The following ATXN10 variants were observed in gnomAD, a reference collection of about 807,000 sequenced individuals.
ATXN10 encodes the protein ataxin-10.
In ATXN10, 28 loss-of-function variants were observed where a neutral mutation model predicts 52.9. The ratio of observed to expected loss-of-function variants is 0.53; its 90% confidence interval spans 0.39 to 0.73. The LOEUF is 0.73. ATXN10 is among the 30% of genes least tolerant of loss of function. The probability of loss-of-function intolerance (pLI) is 0.00; values close to 1 mark genes in which losing one functional copy is unlikely to be tolerated. For synonymous variants in ATXN10, 226 were observed against 221.5 expected (o/e 1.02, Z -0.18); for missense variants, 565 against 577.0 (o/e 0.98, Z 0.21).
Position 45,708,589 on chromosome 22 carries a change from C to T in ATXN10, c.647+5742C>T, listed in dbSNP as rs1000570493. 6.6e-5 allele frequency among the ~76,000 whole-genome samples: 10 copies of T among 152,122 alleles called. No individual in the cohort carries two copies. Among genetic ancestry groups the T allele is most frequent in the African/African-American group, 2.2e-4 (9 of 41,424 alleles). On this transcript the variant is annotated intron_variant, in intron 5 of 11. Transcript: ENST00000252934. This position sits in a 1 kb window ranked among gnomAD's most constrained non-coding sequence, Gnocchi z 5.3. The stretch of plus-strand genomic sequence containing the variant: ...AATTACCGATTTTCAGAGAGGAGGT[C>T]TGCATTTCAAAGGTGAGGCATGAAC...
intron 5 of ATXN10, among the ~76,000 whole-genome samples, chr22:45,714,289 G>A (rs932641888): frequency 6.6e-5 from 10 of 151,978 alleles, no homozygotes; most frequent in African/African-American, 2.4e-4. Flanking sequence ...CTTTATCAGT[G>A]TATAGGAGTA....
In ATXN10 at chr22:45,789,558, C is replaced by T. The variant is rs1927435674; in HGVS notation, c.1174-17401C>T. Among the ~76,000 whole-genome samples, 1 of 152,114 alleles carries T rather than the reference C, an allele frequency of 6.6e-6. No homozygotes were observed. Among genetic ancestry groups the T allele is most frequent in the South Asian group, 2.1e-4 (1 of 4,818 alleles). On this transcript the variant is annotated intron_variant, in intron 9 of 11. Transcript: ENST00000252934. This position sits in a 1 kb window ranked among gnomAD's most constrained non-coding sequence, Gnocchi z 4.0. ...CAAAGAGGGATTCAATTGTCACCGCCCTGGGAAGGCGCCAGTGAAGGGCCT... is the reference window on the plus strand; with the variant it reads ...CAAAGAGGGATTCAATTGTCACCGCTCTGGGAAGGCGCCAGTGAAGGGCCT...
intron 9 of ATXN10, among the ~76,000 whole-genome samples, chr22:45,752,942 C>A (rs2146819140): frequency 6.6e-6 from 1 of 152,166 alleles, no homozygotes; most frequent in Admixed American, 6.5e-5. Flanking sequence ...CCATGTTGGT[C>A]AGGGTGGTCT....
intron 1 of ATXN10, 120 bp from the exon 2 acceptor site, chr22:45,689,585 TAAGGAGC>T: frequency 1.6e-6 from 1 of 622,566 alleles, no homozygotes; most frequent in Admixed American, 2.7e-5. Context: ...TGTTGTAAAT[TAAGGAGC>T]TAAAGCAGAT....
chr22:45,704,530 CT>C (rs1923965283), intron 5 of ATXN10, among the ~76,000 whole-genome samples: 2 of 151,940 alleles, frequency 1.3e-5, no homozygotes, highest in Admixed American at 1.3e-4. Flanking sequence ...GTATTTTATT[CT>C]TTTTGATGGT....
rs1049778625 is a variant in ATXN10 at position 45,805,143 on chromosome 22, C to G, written c.1174-1816C>G. On this transcript the variant is annotated intron_variant, in intron 9 of 11. Coordinates refer to ENST00000252934, the MANE Select transcript of ATXN10 (RefSeq NM_013236.4). The surrounding 1 kb of genome is among the most constrained non-coding windows in gnomAD (Gnocchi z 4.4). The stretch of plus-strand genomic sequence containing the variant: ...ATCATTAGTCATCAGAAATGCGCAT[C>G]AAAACCACAATGGCATACCACTTCA... Among the ~76,000 whole-genome samples, 2 of 152,144 alleles carry G rather than the reference C, an allele frequency of 1.3e-5. No individual in the cohort carries two copies. The highest frequency in any genetic ancestry group is 2.9e-5 in the Non-Finnish European group (2 of 68,036).
At chr22:45,699,106 G>A (rs149553531) in intron 3 of ATXN10, among the ~76,000 whole-genome samples, 152 of 152,270 alleles carry the variant, frequency 1.0e-3, no homozygotes, top group African/African-American at 3.5e-3. Context: ...ACAAGCATGA[G>A]TTATTTTAAT....
At chr22:45,809,321 T>A (rs1369364747) in intron 10 of ATXN10, among the ~76,000 whole-genome samples, 1 of 152,208 alleles carries the variant, frequency 6.6e-6, no homozygotes, top group Admixed American at 6.5e-5. Flanking sequence ...CCCCCTTTCT[T>A]GTGCATTTTT....
Position 45,818,415 on chromosome 22 carries a change from G to A in ATXN10, c.1237+11393G>A, listed in dbSNP as rs2031092800. On this transcript the variant is annotated intron_variant, in intron 10 of 11. Coordinates refer to ENST00000252934, the MANE Select transcript of ATXN10 (RefSeq NM_013236.4). The surrounding 1 kb of genome is among the most constrained non-coding windows in gnomAD (Gnocchi z 4.6). Reference sequence around the variant, plus strand: ...GCTCAGCTCTCCCTGGCTCTCAGGAGTCAAAGCGCATCTGGTTCTGCTTGT... The same window carrying A: ...GCTCAGCTCTCCCTGGCTCTCAGGAATCAAAGCGCATCTGGTTCTGCTTGT... 1.3e-5 allele frequency among the ~76,000 whole-genome samples: 2 copies of A among 152,204 alleles called. No homozygotes were observed. Among genetic ancestry groups the A allele is most frequent in the Admixed American group, 1.3e-4 (2 of 15,284 alleles).
chr22:45,755,548 AAT>A (rs1233090107), intron 9 of ATXN10, among the ~76,000 whole-genome samples: 1 of 152,002 alleles, frequency 6.6e-6, no homozygotes, highest in Non-Finnish European at 1.5e-5. Flanking sequence ...TACTGTCATC[AAT>A]ATCTTGTTGG....
intron 1 of ATXN10, 67 bp downstream of exon 1, chr22:45,672,246 G>GGCCTGGACCCAGGCGCCGCCCCC (rs1922483124): frequency 7.6e-7 from 1 of 1,313,886 alleles, no homozygotes; most frequent in African/African-American, 1.6e-5. Flanking sequence ...CGGCGGCCCC[G>GGCCTGGACCCAGGCGCCGCCCCC]GCCTGGACCC....
rs968813591 is a variant in ATXN10, at chr22:45,759,727, G to C, written c.1173+19189G>C. Among the ~76,000 whole-genome samples, 1 of 152,002 alleles carries C rather than the reference G, an allele frequency of 6.6e-6. No individual in the cohort carries two copies. Among genetic ancestry groups the C allele is most frequent in the African/African-American group, 2.4e-5 (1 of 41,416 alleles). On this transcript the variant is annotated intron_variant, in intron 9 of 11. Transcript: ENST00000252934. This position sits in a 1 kb window ranked among gnomAD's most constrained non-coding sequence, Gnocchi z 5.4. Reference sequence around the variant, plus strand: ...TTCATAAAGCTCTAGTTTTGTAGGGGATGGGGTGGGATGGGGTCACACCTC... The same window carrying C: ...TTCATAAAGCTCTAGTTTTGTAGGGCATGGGGTGGGATGGGGTCACACCTC...
rs145557033 is a variant in ATXN10, at chr22:45,828,732, T to C, written c.1238-14259T>C. On this transcript the variant is annotated intron_variant, in intron 10 of 11. Coordinates refer to ENST00000252934, the MANE Select transcript of ATXN10 (RefSeq NM_013236.4). The surrounding 1 kb of genome is among the most constrained non-coding windows in gnomAD (Gnocchi z 4.5). ...ATAGTAAGTACTATAGTAAGTACTATAAGTTACTAGTTATAGTAAGACAAT... is the reference window on the plus strand; with the variant it reads ...ATAGTAAGTACTATAGTAAGTACTACAAGTTACTAGTTATAGTAAGACAAT... 3.1e-3 allele frequency among the ~76,000 whole-genome samples: 474 copies of C among 152,326 alleles called. 1 individual carries two copies. Among genetic ancestry groups the C allele is most frequent in the Non-Finnish European group, 5.2e-3 (353 of 68,026 alleles).
At chr22:45,749,883 AG>A (rs1417987489) in intron 9 of ATXN10, among the ~76,000 whole-genome samples, 1 of 152,046 alleles carries the variant, frequency 6.6e-6, no homozygotes, top group Non-Finnish European at 1.5e-5. Context: ...GGTTTCTTTA[AG>A]GTTCATGTTG....
At chr22:45,794,272 TA>T (rs1373543652) in intron 9 of ATXN10, among the ~76,000 whole-genome samples, 1 of 152,156 alleles carries the variant, frequency 6.6e-6, no homozygotes, top group Non-Finnish European at 1.5e-5. Context: ...CTGGGCACTT[TA>T]AAAAGGACAG....
intron 9 of ATXN10, among the ~76,000 whole-genome samples, chr22:45,764,738 A>G (rs1421118743): frequency 6.6e-6 from 1 of 152,220 alleles, no homozygotes; most frequent in Admixed American, 6.5e-5. Flanking sequence ...AACATTCGTA[A>G]ACCACGTGTA....
intron 5 of ATXN10, among the ~76,000 whole-genome samples, chr22:45,703,148 T>C (rs1373927410): frequency 1.3e-5 from 2 of 152,152 alleles, no homozygotes; most frequent in Non-Finnish European, 2.9e-5. Context: ...ACCTTTGGAG[T>C]GCACAGATAA....
At chr22:45,822,814 G>A (rs1928695900) in intron 10 of ATXN10, among the ~76,000 whole-genome samples, 1 of 152,076 alleles carries the variant, frequency 6.6e-6, no homozygotes, top group South Asian at 2.1e-4. Flanking sequence ...GAGCCACGGT[G>A]CCCAGCTGAA....
At chr22:45,697,724 G>A (rs1180111723) in intron 3 of ATXN10, among the ~76,000 whole-genome samples, 3 of 151,938 alleles carry the variant, frequency 2.0e-5, no homozygotes, top group South Asian at 4.2e-4. Context: ...CCGCCCCCTG[G>A]GGTTCACGCC....
Sources: allele counts gnomAD v4.1 joint callset (sites outside exome capture counted in the v4.1 genomes callset), GRCh38; gene constraint gnomAD v4.1.1; non-coding constraint Gnocchi (gnomAD v3.1); transcripts MANE v1.5; gene names NCBI Gene and HGNC (gene_info 2026-07-23, HGNC 2026-07-21).